CHLSN: variants seen among roughly 807,000 people sequenced by gnomAD.
The protein encoded by CHLSN is cholesin, also known as protein cholesin.
chr7:1,090,819 T>G, the CHLSN span, among the ~76,000 whole-genome samples: 1 of 152,256 alleles, frequency 6.6e-6, no homozygotes, highest in African/African-American at 2.4e-5. Context: ...AACGTACATA[T>G]TATTTCCCAA....
the CHLSN span, chr7:1,000,538 G>A: frequency 1.9e-4 from 313 of 1,607,252 alleles, 2 homozygotes; most frequent in East Asian, 6.7e-3. Context: ...CAGTTCTTGT[G>A]CTTTTGGGCC....
the CHLSN span, chr7:1,091,881 G>A: frequency 6.2e-7 from 1 of 1,613,892 alleles, no homozygotes; most frequent in South Asian, 1.1e-5. Context: ...AGCTCTCGGA[G>A]CACCAGCAGT....
chr7:992,724 G>C, the CHLSN span, among the ~76,000 whole-genome samples: 6 of 152,242 alleles, frequency 3.9e-5, no homozygotes, highest in Admixed American at 3.9e-4. Context: ...TCAGAGCGGG[G>C]GTCTTCTTCC....
the CHLSN span, among the ~76,000 whole-genome samples, chr7:994,992 G>A: frequency 2.6e-5 from 4 of 152,252 alleles, no homozygotes; most frequent in South Asian, 2.1e-4. Flanking sequence ...AGCACTTGCC[G>A]AGGGACAGAC....
the CHLSN span, among the ~76,000 whole-genome samples, chr7:1,022,435 G>T: frequency 6.6e-6 from 1 of 152,152 alleles, no homozygotes; most frequent in Non-Finnish European, 1.5e-5. Context: ...AGAATCCCAC[G>T]GCGTTAACTC....
At chr7:1,079,398 C>T in the CHLSN span, among the ~76,000 whole-genome samples, 59 of 152,266 alleles carry the variant, frequency 3.9e-4, no homozygotes, top group Middle Eastern at 3.4e-3. Flanking sequence ...GAAACAGTGA[C>T]GTGTGAACCA....
chr7:1,061,797 G>A, the CHLSN span, among the ~76,000 whole-genome samples: 17,080 of 145,718 alleles, frequency 0.12, 1,180 homozygotes, highest in Middle Eastern at 0.26. Context: ...CTTCCAGGCA[G>A]CCATCTCCCC....
At chr7:1,127,167 G>C in the CHLSN span, 1 of 1,455,388 alleles carries the variant, frequency 6.9e-7, no homozygotes, top group South Asian at 1.4e-5. Flanking sequence ...GCTCCACAGA[G>C]ACCAGCAGGC....
chr7:1,000,336 G>A, the CHLSN span: 1 of 695,652 alleles, frequency 1.4e-6, no homozygotes, highest in Non-Finnish European at 2.2e-6. Context: ...CTGCCCCGCC[G>A]TGCACACACC....
chr7:997,674 AGG>A, the CHLSN span: 2 of 1,610,106 alleles, frequency 1.2e-6, no homozygotes, highest in Non-Finnish European at 1.7e-6. Flanking sequence ...CCTCCCCGGC[AGG>A]GGGGGATCAG....
the CHLSN span, among the ~76,000 whole-genome samples, chr7:1,074,276 C>G: frequency 8.5e-6 from 1 of 117,734 alleles, no homozygotes; most frequent in African/African-American, 3.5e-5. Flanking sequence ...CACCCCCCGG[C>G]CCCCATCCCG....
chr7:991,891 G>T, the CHLSN span, among the ~76,000 whole-genome samples: 1 of 152,180 alleles, frequency 6.6e-6, no homozygotes, highest in Non-Finnish European at 1.5e-5. Context: ...TGGTCTGTGG[G>T]TGTGAGGGCT....
At chr7:1,092,879 A>G in the CHLSN span, 4 of 1,604,942 alleles carry the variant, frequency 2.5e-6, no homozygotes, top group African/African-American at 1.3e-5. Flanking sequence ...GCATAGGCCC[A>G]GCCAGGGTGT....
At chr7:1,006,421 GCACGACGGCCACAGCGCAGGGAAAGAGCA>G in the CHLSN span, among the ~76,000 whole-genome samples, 10 of 131,360 alleles carry the variant, frequency 7.6e-5, no homozygotes, top group African/African-American at 1.2e-4. Context: ...GGGAAAGAGC[GCACGACGGCCACAGCGCAGGGAAAGAGCA>G]CACGACGGCC....
At chr7:1,010,144 C>T in the CHLSN span, 8 of 1,607,734 alleles carry the variant, frequency 5.0e-6, no homozygotes, top group Non-Finnish European at 6.8e-6. Flanking sequence ...CAGCTTCGCC[C>T]TGAAAGTCAA....
the CHLSN span, among the ~76,000 whole-genome samples, chr7:1,090,112 G>A: frequency 2.0e-5 from 3 of 151,840 alleles, no homozygotes; most frequent in Non-Finnish European, 4.4e-5. Flanking sequence ...GATTTCAAAA[G>A]GTAAAATGAA....
At chr7:1,033,695 C>G in the CHLSN span, among the ~76,000 whole-genome samples, 4 of 152,100 alleles carry the variant, frequency 2.6e-5, no homozygotes, top group Non-Finnish European at 5.9e-5. Context: ...CCCAGGAAAT[C>G]GGTAACGGAG....
chr7:1,012,554 C>T, the CHLSN span, among the ~76,000 whole-genome samples: 2 of 152,264 alleles, frequency 1.3e-5, no homozygotes, highest in African/African-American at 2.4e-5. Context: ...CCAGCGCTCC[C>T]GACCTGGCAG....
chr7:1,046,558 C>T, the CHLSN span, among the ~76,000 whole-genome samples: 4 of 152,284 alleles, frequency 2.6e-5, no homozygotes, highest in Admixed American at 1.3e-4. Flanking sequence ...GACAGGGAAC[C>T]CAGTCTGGAG....
Sources: allele counts gnomAD v4.1 joint callset (sites outside exome capture counted in the v4.1 genomes callset), GRCh38; gene constraint gnomAD v4.1.1; transcripts MANE v1.5; gene names NCBI Gene and HGNC (gene_info 2026-07-23, HGNC 2026-07-21).